Variants in YTHDF3 observed in about 807,000 individuals in gnomAD.
YTHDF3 encodes YTH domain-containing family protein 3.
In YTHDF3, 9 loss-of-function variants were observed where a neutral mutation model predicts 52.5. The ratio of observed to expected loss-of-function variants is 0.17; its 90% confidence interval spans 0.10 to 0.30. YTHDF3 has a LOEUF of 0.30. Ranked by LOEUF, YTHDF3 falls within the 10% of genes least tolerant of loss-of-function variation. YTHDF3 has a pLI of 1.00. For synonymous variants in YTHDF3, 274 were observed against 243.3 expected (o/e 1.13, Z -1.18); for missense variants, 534 against 715.0 (o/e 0.75, Z 2.89).
chr8:63,193,376 A>G (rs1008203493), intron 4 of YTHDF3, among the ~76,000 whole-genome samples: 3 of 125,836 alleles, frequency 2.4e-5, no homozygotes, highest in Non-Finnish European at 5.1e-5. Context: ...ACTCCGTCCA[A>G]AAAAAAAAAA....
intron 2 of YTHDF3, among the ~76,000 whole-genome samples, chr8:63,174,294 C>G (rs1807543878): frequency 6.6e-6 from 1 of 152,154 alleles, no homozygotes. Flanking sequence ...ATAGTGCCAC[C>G]TCATCAAGTA....
intron 4 of YTHDF3, among the ~76,000 whole-genome samples, chr8:63,194,858 A>G (rs1434555744): frequency 6.6e-6 from 1 of 152,184 alleles, no homozygotes; most frequent in Non-Finnish European, 1.5e-5. Context: ...GGGAGATTTT[A>G]ACTAAAATTT....
chr8:63,211,958 T>C lies in YTHDF3; in HGVS notation c.*2252T>C, dbSNP rs539332660. 1 of 152,736 alleles carries C rather than the reference T, an allele frequency of 6.5e-6. No homozygotes were observed. The highest frequency in any genetic ancestry group is 2.4e-5 in the African/African-American group (1 of 41,586). The allele number at this position is 152,736 out of a possible 1,614,324, so 9.5% of individuals were successfully genotyped here. A position where few individuals can be genotyped will look rare whatever the true frequency, so the allele number is the denominator to read the frequency against. On this transcript the variant is annotated 3_prime_UTR_variant, in exon 5 of 5. Coordinates refer to ENST00000539294, the MANE Select transcript of YTHDF3 (RefSeq NM_152758.6). ...TCTCTTCCTTCTTGGTCTGTCATTATATTGCAAAATATTTTTCCTCTGAAT... is the reference window on the plus strand; with the variant it reads ...TCTCTTCCTTCTTGGTCTGTCATTACATTGCAAAATATTTTTCCTCTGAAT...
intron 4 of YTHDF3, among the ~76,000 whole-genome samples, chr8:63,207,777 A>G (rs1810128834): frequency 6.6e-6 from 1 of 152,120 alleles, no homozygotes; most frequent in South Asian, 2.1e-4. Context: ...CATGGAGTTG[A>G]GAAATTTCTC....
At chr8:63,179,572 A>G (rs1157643649) in intron 3 of YTHDF3, among the ~76,000 whole-genome samples, 4 of 152,062 alleles carry the variant, frequency 2.6e-5, no homozygotes, top group Non-Finnish European at 5.9e-5. Context: ...AGGCAGAAGA[A>G]TTTTTCTTAG....
intron 4 of YTHDF3, among the ~76,000 whole-genome samples, chr8:63,197,369 A>G (rs1289636132): frequency 2.0e-5 from 3 of 152,158 alleles, no homozygotes; most frequent in East Asian, 3.8e-4. Context: ...AATGCTGTCT[A>G]TTGGTTTTTT....
rs543126943 is a variant in YTHDF3 at position 63,183,010 on chromosome 8, G to A, written c.136-3137G>A. On this transcript the variant is annotated intron_variant, in intron 3 of 4. Transcript: ENST00000539294. ...TCTCGCTTGTCACCCAGGCTGGAGTGCAGTGGTGGCATCGCAGCTCACTGC... is the reference window on the plus strand; with the variant it reads ...TCTCGCTTGTCACCCAGGCTGGAGTACAGTGGTGGCATCGCAGCTCACTGC... Among the ~76,000 whole-genome samples the A allele has an allele frequency of 1.4e-4, 21 of 147,186 alleles. 1 individual carries two copies. The South Asian group carries it at 4.5e-3, about 32-fold the overall frequency.
chr8:63,187,570 G>A lies in YTHDF3; in HGVS notation c.1559G>A (p.Arg520His), dbSNP rs767444673. Reference sequence around the variant, plus strand: ...CCCAATAACCAATTACGGCATATTCGCTTAGAAAATAATGACAACAAACCG... The same window carrying A: ...CCCAATAACCAATTACGGCATATTCACTTAGAAAATAATGACAACAAACCG... ...DVPNNQLRHI[R>H]LENNDNKPVT... The change falls in exon 4 of 5, where the codon CGC (arginine) becomes CAC (histidine). Residue 520 changes from arginine (R) to histidine (H), a missense_variant. By Grantham distance (29) the Arg-to-His change is conservative. Coordinates refer to ENST00000539294, the MANE Select transcript of YTHDF3 (RefSeq NM_152758.6). 2 of 1,613,644 alleles carry A rather than the reference G, an allele frequency of 1.2e-6. No homozygotes were observed. Among genetic ancestry groups the A allele is most frequent in the African/African-American group, 1.3e-5 (1 of 74,980 alleles).
In YTHDF3 at chr8:63,212,399, TGC is replaced by T. The variant is rs1298232609; in HGVS notation, c.*2694_*2695del. ...AAAGCTGTGTTCTTTTTGAATACCG[TGC>T]ATGGGGGTTAAGCTGATGTTAAAAC... On this transcript the variant is annotated 3_prime_UTR_variant, in exon 5 of 5. Coordinates refer to ENST00000539294, the MANE Select transcript of YTHDF3 (RefSeq NM_152758.6). 1 of 152,268 alleles carries T rather than the reference TGC, an allele frequency of 6.6e-6. No homozygotes were observed. Among genetic ancestry groups the T allele is most frequent in the Non-Finnish European group, 1.5e-5 (1 of 67,996 alleles). The allele number at this position is 152,268 out of a possible 1,614,324, so 9.4% of individuals were successfully genotyped here. A position where few individuals can be genotyped will look rare whatever the true frequency, so the allele number is the denominator to read the frequency against.
intron 3 of YTHDF3, among the ~76,000 whole-genome samples, chr8:63,177,732 A>T (rs1377789672): frequency 4.6e-5 from 7 of 152,068 alleles, no homozygotes; most frequent in African/African-American, 1.7e-4. Context: ...GATATAGTAT[A>T]AAAAATCCTG....
At position 63,169,017 on chromosome 8, in the gene YTHDF3, G is replaced by A. The variant is rs1387974316; in HGVS notation, c.24+116G>A. 23 of 1,471,110 alleles carry A rather than the reference G, an allele frequency of 1.6e-5. No individual in the cohort carries two copies. In the East Asian group the frequency reaches 5.4e-4, roughly 34 times the overall value. The allele number at this position is 1,471,110 out of a possible 1,614,324, so 91.1% of individuals were successfully genotyped here. A position where few individuals can be genotyped will look rare whatever the true frequency, so the allele number is the denominator to read the frequency against. On this transcript the variant is annotated intron_variant, in intron 1 of 4. Transcript: ENST00000539294. ...CTGCCGGCCCCATAACGGTGCCCCG[G>A]GCGCAAGTTGCTGCGGTGTAGCTAC...
chr8:63,191,048 A>G (rs1808880309), intron 4 of YTHDF3, among the ~76,000 whole-genome samples: 2 of 152,128 alleles, frequency 1.3e-5, no homozygotes, highest in Non-Finnish European at 2.9e-5. Flanking sequence ...CAGCCTTTTC[A>G]CTTAAAGTAC....
At chr8:63,176,122 A>G (rs907126213) in intron 3 of YTHDF3, among the ~76,000 whole-genome samples, 2 of 152,186 alleles carry the variant, frequency 1.3e-5, no homozygotes, top group African/African-American at 4.8e-5. Flanking sequence ...TCTGTCTGTT[A>G]CTAAAAATAA....
At chr8:63,193,307 G>C (rs1045405875) in intron 4 of YTHDF3, among the ~76,000 whole-genome samples, 1 of 150,414 alleles carries the variant, frequency 6.6e-6, no homozygotes, top group African/African-American at 2.5e-5. Flanking sequence ...GAACCAGGGA[G>C]GTGGATTGCA....
intron 4 of YTHDF3, among the ~76,000 whole-genome samples, chr8:63,188,499 GTATT>G (rs1808677466): frequency 6.7e-6 from 1 of 149,220 alleles, no homozygotes; most frequent in African/African-American, 2.5e-5. Flanking sequence ...GCTAATTTTT[GTATT>G]TATTGTAGAT....
chr8:63,186,289 T>C lies in YTHDF3; in HGVS notation c.278T>C (p.Met93Thr). The C allele has an allele frequency of 1.2e-6, 2 of 1,613,980 alleles. No homozygotes were observed. The highest frequency in any genetic ancestry group is 1.7e-6 in the Non-Finnish European group (2 of 1,179,888). ...CCATATCTGACAACCTATGGACAAA[T>C]GAGTAATGGAGAACATCACTATATA... is the stretch of plus-strand genomic sequence containing the variant. ...PMPYLTTYGQ[M>T]SNGEHHYIPD... The change falls in exon 4 of 5, where the codon ATG becomes ACG. Residue 93 changes from methionine to threonine, a missense_variant. Met to Thr is a moderately conservative substitution (Grantham distance 81). Transcript: ENST00000539294.
chr8:63,190,931 A>G (rs1050566238), intron 4 of YTHDF3, among the ~76,000 whole-genome samples: 6 of 152,116 alleles, frequency 3.9e-5, no homozygotes, highest in Non-Finnish European at 8.8e-5. Context: ...TCTATTTTGA[A>G]CCTTGTTTAA....
At chr8:63,204,828 G>T (rs1459366025) in intron 4 of YTHDF3, among the ~76,000 whole-genome samples, 1 of 152,020 alleles carries the variant, frequency 6.6e-6, no homozygotes, top group Non-Finnish European at 1.5e-5. Flanking sequence ...TTCCTTTGTG[G>T]CTCATTTAGG....
chr8:63,186,230 A>G lies in YTHDF3; in HGVS notation c.219A>G (p.Glu73=), dbSNP rs745713607. The G allele has an allele frequency of 7.4e-6, 12 of 1,614,048 alleles. No individual in the cohort carries two copies. Among genetic ancestry groups the G allele is most frequent in the Non-Finnish European group, 9.3e-6 (11 of 1,179,896 alleles). The change falls in exon 4 of 5, where the codon GAA becomes GAG. Residue 73 remains glutamate (E), a synonymous_variant. Coordinates refer to ENST00000539294, the MANE Select transcript of YTHDF3 (RefSeq NM_152758.6). ...TTGGATTTCCATATTCTCTTGGGGA[A>G]GCAGCGTGGTCCACAGCTGGAGACC... The part of the protein sequence containing the change: ...PSIGFPYSLG[E]AAWSTAGDQP...
Sources: gnomAD v4.1 joint callset for allele counts (sites outside exome capture counted in the v4.1 genomes callset) on GRCh38, gnomAD v4.1.1 for gene constraint, MANE v1.5 for transcripts, NCBI Gene and HGNC (gene_info 2026-07-23, HGNC 2026-07-21) for gene names.